PITPNA: variants seen among roughly 807,000 people sequenced by gnomAD.
The protein encoded by PITPNA is phosphatidylinositol transfer protein alpha isoform.
PITPNA carries 13 observed loss-of-function variants against 50.3 expected under a neutral mutation model. The ratio of observed to expected loss-of-function variants is 0.26; its 90% CI spans 0.17 to 0.41. The LOEUF (loss-of-function observed/expected upper bound fraction) is 0.41, where lower values mean the gene tolerates loss of function less well. Ranked by LOEUF, PITPNA falls within the 10% of genes least tolerant of loss-of-function variation. The pLI is 1.00. For synonymous variants in PITPNA, 120 were observed against 119.6 expected (o/e 1.00, Z -0.02); for missense variants, 207 against 333.4 (o/e 0.62, Z 2.95).
chr17:1,533,546 T>C (rs934698892), intron 10 of PITPNA, among the ~76,000 whole-genome samples: 4 of 152,146 alleles, frequency 2.6e-5, no homozygotes, highest in African/African-American at 7.2e-5. Context: ...CATCTCCAAA[T>C]GAGGCATGAG....
chr17:1,536,660 C>A (rs2075619605), intron 7 of PITPNA, among the ~76,000 whole-genome samples: 1 of 152,052 alleles, frequency 6.6e-6, no homozygotes, highest in Non-Finnish European at 1.5e-5. Context: ...GTGGCACGAT[C>A]TCAGCTCACT....
intron 1 of PITPNA, chr17:1,559,773 AAGCAGGAAAGT>A (rs2075758989): frequency 2.0e-6 from 2 of 985,282 alleles, no homozygotes; most frequent in Admixed American, 1.2e-4. Flanking sequence ...GCAAGACACC[AAGCAGGAAAGT>A]AGCAGGAAAA....
intron 1 of PITPNA, among the ~76,000 whole-genome samples, chr17:1,560,362 G>A (rs2075761884): frequency 6.6e-6 from 1 of 150,922 alleles, no homozygotes; most frequent in African/African-American, 2.5e-5. Flanking sequence ...GGGCTGCAAC[G>A]CTGCGGCCAC....
intron 4 of PITPNA, among the ~76,000 whole-genome samples, chr17:1,544,966 C>G (rs145215035): frequency 6.6e-6 from 1 of 151,984 alleles, no homozygotes; most frequent in South Asian, 2.1e-4. Context: ...GTACTCCAGC[C>G]TGGGTGACAG....
At chr17:1,539,465 G>A (rs931821560) in intron 6 of PITPNA, among the ~76,000 whole-genome samples, 7 of 147,842 alleles carry the variant, frequency 4.7e-5, no homozygotes, top group Non-Finnish European at 7.4e-5. Context: ...GCCTCCTGAG[G>A]AGCTGGGCCT....
intron 10 of PITPNA, 136 bp downstream of exon 10, chr17:1,533,963 G>T (rs2075599440): frequency 2.0e-6 from 2 of 975,776 alleles, no homozygotes; most frequent in Admixed American, 4.1e-5. Flanking sequence ...GTACTGCCCA[G>T]GATACCGTCC....
At chr17:1,543,937 T>C (rs1390846168) in intron 4 of PITPNA, among the ~76,000 whole-genome samples, 2 of 152,182 alleles carry the variant, frequency 1.3e-5, no homozygotes, top group African/African-American at 4.8e-5. Flanking sequence ...AAGGAAATCA[T>C]GGGTATAGTA....
chr17:1,524,063 GAGACGGAGTCT>G (rs2075531342), intron 10 of PITPNA, among the ~76,000 whole-genome samples: 1 of 71,194 alleles, frequency 1.4e-5, no homozygotes, highest in African/African-American at 5.3e-5. Context: ...TTTTTTTTTT[GAGACGGAGTCT>G]CGCTCAGTCA....
At chr17:1,533,706 G>A (rs1242957442) in intron 10 of PITPNA, among the ~76,000 whole-genome samples, 1 of 152,190 alleles carries the variant, frequency 6.6e-6, no homozygotes, top group African/African-American at 2.4e-5. Context: ...CGTGCGCTGT[G>A]GCTGTCCTCT....
Position 1,524,349 on chromosome 17 carries a change from T to C in PITPNA, c.769-2704A>G, listed in dbSNP as rs1357427194. On this transcript the variant is annotated intron_variant, in intron 10 of 11. Coordinates refer to ENST00000313486, the MANE Select transcript of PITPNA (RefSeq NM_006224.4). ...GTGAGCCATCGCACCTGGCCTTTTT[T>C]TTTTTTTTTTTTTGAGACAGGGTCT... is the stretch of plus-strand genomic sequence containing the variant. 1.1e-3 allele frequency among the ~76,000 whole-genome samples: 161 copies of C among 149,608 alleles called. 2 individuals carry two copies. In the East Asian group the frequency reaches 0.028, roughly 26 times the overall value.
intron 11 of PITPNA, 37 bp downstream of exon 11, chr17:1,521,542 C>T (rs930245670): frequency 9.0e-6 from 13 of 1,439,928 alleles, no homozygotes; most frequent in Non-Finnish European, 1.2e-5. Flanking sequence ...CTGATTTTAG[C>T]GTCTGTGACA....
chr17:1,523,495 C>T (rs2075527198), intron 10 of PITPNA, among the ~76,000 whole-genome samples: 1 of 150,264 alleles, frequency 6.7e-6, no homozygotes, highest in Admixed American at 6.7e-5. Flanking sequence ...GCATGTGCCA[C>T]CACGCCTGGC....
At chr17:1,541,920 C>A (rs2151008915) in intron 5 of PITPNA, among the ~76,000 whole-genome samples, 1 of 152,164 alleles carries the variant, frequency 6.6e-6, no homozygotes, top group South Asian at 2.1e-4. Context: ...AGAGATCGGG[C>A]CAGGCATGGT....
At chr17:1,533,956 C>CTT in intron 10 of PITPNA, 143 bp downstream of exon 10, 1 of 899,838 alleles carries the variant, frequency 1.1e-6, no homozygotes, top group East Asian at 2.5e-5. Flanking sequence ...TGCCCACGTA[C>CTT]TGCCCAGGAT....
At position 1,562,427 on chromosome 17, in the gene PITPNA, C is replaced by G. The variant is rs977283554; in HGVS notation, c.20+114G>C. 157 of 863,670 alleles carry G rather than the reference C, an allele frequency of 1.8e-4. 2 individuals are homozygous for G. The highest frequency in any genetic ancestry group is 3.6e-5 in the Non-Finnish European group (22 of 615,286). The allele number at this position is 863,670 out of a possible 1,614,324, so 53.5% of individuals were successfully genotyped here. On this transcript the variant is annotated intron_variant, in intron 1 of 11. Transcript: ENST00000313486. The surrounding 1 kb of genome is among the most constrained non-coding windows in gnomAD (Gnocchi z 6.4). ...CGCTGGGCCCGCCTCAGGCACCCTC[C>G]GTCCCTGCTGCCCCTCCGTCCATCC...
intron 3 of PITPNA, among the ~76,000 whole-genome samples, chr17:1,550,360 G>A (rs572910716): frequency 1.8e-4 from 28 of 152,312 alleles, no homozygotes; most frequent in Non-Finnish European, 3.2e-4. Flanking sequence ...CAGGCTCTGC[G>A]AGGAAAGTCA....
Position 1,562,649 on chromosome 17 carries a change from C to G in PITPNA, c.-89G>C. 1.0e-6 allele frequency: 1 copy of G among 957,760 alleles called. No individual in the cohort carries two copies. Among genetic ancestry groups the G allele is most frequent in the Non-Finnish European group, 1.3e-6 (1 of 762,188 alleles). The allele number at this position is 957,760 out of a possible 1,614,324, so 59.3% of individuals were successfully genotyped here. On this transcript the variant is annotated 5_prime_UTR_variant, in exon 1 of 12. Coordinates refer to ENST00000313486, the MANE Select transcript of PITPNA (RefSeq NM_006224.4). The surrounding 1 kb of genome is among the most constrained non-coding windows in gnomAD (Gnocchi z 6.4). ...GCTCTCCCCGTGGCCCGGCCCGGCCCGGCTGCCTGTGCGTCTTCGTCGTGC... is the reference window on the plus strand; with the variant it reads ...GCTCTCCCCGTGGCCCGGCCCGGCCGGGCTGCCTGTGCGTCTTCGTCGTGC...
intron 2 of PITPNA, among the ~76,000 whole-genome samples, chr17:1,557,851 G>C (rs1430566475): frequency 5.3e-5 from 8 of 152,180 alleles, no homozygotes; most frequent in Admixed American, 3.9e-4. Context: ...CTGCCCTGCT[G>C]GTTTGTTGCA....
intron 3 of PITPNA, among the ~76,000 whole-genome samples, chr17:1,549,509 G>C (rs932457949): frequency 6.8e-6 from 1 of 147,262 alleles, no homozygotes; most frequent in Non-Finnish European, 1.5e-5. Context: ...GTAAAGACAG[G>C]GTTTCGCCAT....
Sources: allele counts gnomAD v4.1 joint callset (sites outside exome capture counted in the v4.1 genomes callset), GRCh38; gene constraint gnomAD v4.1.1; non-coding constraint Gnocchi (gnomAD v3.1); transcripts MANE v1.5; gene names NCBI Gene and HGNC (gene_info 2026-07-23, HGNC 2026-07-21).